GBP6: variants seen among roughly 807,000 people sequenced by gnomAD.
GBP6 encodes guanylate-binding protein 6.
In GBP6, 54 loss-of-function variants were observed where a neutral mutation model predicts 61.5. The ratio of observed to expected loss-of-function variants is 0.88; its 90% CI spans 0.71 to 1.10. GBP6 has a LOEUF of 1.10. GBP6 is among the 50% of genes least tolerant of loss of function. The pLI, the probability that GBP6 is intolerant of heterozygous loss-of-function variation, is 0.00. For synonymous variants in GBP6, 255 were observed against 273.7 expected (o/e 0.93, Z 0.67); for missense variants, 748 against 752.8 (o/e 0.99, Z 0.07).
chr1:89,367,354 AAC>A (rs1652493082), intron 1 of GBP6, among the ~76,000 whole-genome samples: 1 of 152,172 alleles, frequency 6.6e-6, no homozygotes, highest in South Asian at 2.1e-4. Flanking sequence ...TAAAAAAAAT[AAC>A]AGTCCTAATG....
chr1:89,383,731 C>T lies in GBP6; in HGVS notation c.1445C>T (p.Thr482Ile), dbSNP rs1570472231. The change falls in exon 9 of 11, where the codon ACT becomes ATT. Residue 482 changes from threonine (T) to isoleucine (I), a missense_variant. By Grantham distance (89) the Thr-to-Ile change is moderately conservative. Coordinates refer to ENST00000370456, the MANE Select transcript of GBP6 (RefSeq NM_198460.3). ...ATCTTGCAGTCAGATAAAGCCCTCA[C>T]TGATAGAGAGAAGGCAGTAGCAGGT... ...ESILQSDKAL[T>I]DREKAVAVDR... 6.2e-7 allele frequency: 1 copy of T among 1,611,662 alleles called. No homozygotes were observed. Among genetic ancestry groups the T allele is most frequent in the Non-Finnish European group, 8.5e-7 (1 of 1,179,262 alleles).
chr1:89,377,568 AT>A (rs1423067200), intron 3 of GBP6, among the ~76,000 whole-genome samples: 1 of 152,164 alleles, frequency 6.6e-6, no homozygotes, highest in Non-Finnish European at 1.5e-5. Flanking sequence ...AAATATTGCC[AT>A]TTTTATTGAA....
intron 1 of GBP6, among the ~76,000 whole-genome samples, chr1:89,366,324 G>T (rs1040565457): frequency 6.6e-6 from 1 of 152,096 alleles, no homozygotes; most frequent in East Asian, 1.9e-4. Context: ...TCTAGGCTAC[G>T]TATTTCAGCC....
intron 3 of GBP6, among the ~76,000 whole-genome samples, chr1:89,372,976 C>T (rs547267231): frequency 1.3e-5 from 2 of 152,184 alleles, no homozygotes; most frequent in African/African-American, 4.8e-5. Flanking sequence ...AAGAAAAAAA[C>T]AAACAACCCC....
intron 9 of GBP6, among the ~76,000 whole-genome samples, 154 bp from the exon 10 acceptor site, chr1:89,383,939 T>A (rs963153080): frequency 5.9e-5 from 9 of 152,220 alleles, no homozygotes; most frequent in African/African-American, 2.2e-4. Context: ...GCCTTTCCCA[T>A]CACATTCTCA....
chr1:89,371,325 C>A (rs970085076), intron 3 of GBP6, among the ~76,000 whole-genome samples: 4 of 152,128 alleles, frequency 2.6e-5, no homozygotes, highest in Non-Finnish European at 4.4e-5. Context: ...CCAGCATCAT[C>A]CTGATACCAA....
intron 1 of GBP6, among the ~76,000 whole-genome samples, chr1:89,367,616 TG>T (rs1194024747): frequency 2.0e-5 from 3 of 152,222 alleles, no homozygotes; most frequent in Non-Finnish European, 2.9e-5. Context: ...TTTACTCTGT[TG>T]ATAGTGTTCT....
intron 3 of GBP6, among the ~76,000 whole-genome samples, chr1:89,376,601 T>A (rs1047448325): frequency 6.6e-6 from 1 of 152,204 alleles, no homozygotes; most frequent in Non-Finnish European, 1.5e-5. Context: ...ATCATACTAT[T>A]TTGACTACTG....
chr1:89,376,427 A>G (rs999425847), intron 3 of GBP6, among the ~76,000 whole-genome samples: 3 of 152,282 alleles, frequency 2.0e-5, no homozygotes, highest in Middle Eastern at 3.4e-3. Flanking sequence ...TTCTGCATAC[A>G]TGTGGATATC....
At chr1:89,377,565 G>C (rs1178079253) in intron 3 of GBP6, among the ~76,000 whole-genome samples, 1 of 152,026 alleles carries the variant, frequency 6.6e-6, no homozygotes, top group African/African-American at 2.4e-5. Context: ...TATAAATATT[G>C]CCATTTTTAT....
chr1:89,369,494 C>G, intron 2 of GBP6, 52 bp from the exon 3 acceptor site: 1 of 1,581,152 alleles, frequency 6.3e-7, no homozygotes, highest in Non-Finnish European at 8.6e-7. Flanking sequence ...GGCCCCAGGG[C>G]GGCTTGGCTG....
Position 89,380,367 on chromosome 1 carries a change from G to GT in GBP6, c.626-10dup, listed in dbSNP as rs11361992. 141 of 1,595,778 alleles carry GT rather than the reference G, an allele frequency of 8.8e-5. No homozygotes were observed. The highest frequency in any genetic ancestry group is 6.3e-4 in the East Asian group (28 of 44,708). On this transcript the variant is annotated intron_variant, in intron 5 of 10. Transcript: ENST00000370456. ...CAAGACTGTTTTCACTATATTCTCT[G>GT]TTTTTTTTTATCCCTCAGGCAATAA... is the stretch of plus-strand genomic sequence containing the variant.
intron 3 of GBP6, among the ~76,000 whole-genome samples, chr1:89,377,142 T>A (rs916778360): frequency 1.3e-5 from 2 of 152,300 alleles, no homozygotes; most frequent in South Asian, 4.1e-4. Flanking sequence ...AGGATAGAAA[T>A]AATTCCTGGA....
Position 89,378,485 on chromosome 1 carries a change from C to A in GBP6, c.497C>A (p.Ser166Tyr). 1 of 1,614,110 alleles carries A rather than the reference C, an allele frequency of 6.2e-7. No individual in the cohort carries two copies. Among genetic ancestry groups the A allele is most frequent in the East Asian group, 2.2e-5 (1 of 44,886 alleles). Reference sequence around the variant, plus strand: ...CCAAGGCCTGATGGAGTAGAAGATTCCACAGAGTTTGTGAGTTTCTTCCCA... The same window carrying A: ...CCAAGGCCTGATGGAGTAGAAGATTACACAGAGTTTGTGAGTTTCTTCCCA... ...SSPRPDGVED[S>Y]TEFVSFFPDF... Residue 166 changes from serine (S) to tyrosine (Y), a missense_variant, in exon 5 of 11, where the codon TCC (serine) becomes TAC (tyrosine). Physicochemically the swap from Ser to Tyr is moderately radical, Grantham distance 144 (BLOSUM62 -2). Transcript: ENST00000370456.
chr1:89,378,922 C>A (rs1652884381), intron 5 of GBP6, among the ~76,000 whole-genome samples: 1 of 152,112 alleles, frequency 6.6e-6, no homozygotes, highest in African/African-American at 2.4e-5. Context: ...TTGCCCTCTG[C>A]TTTTCTGTGT....
rs915992752 is a variant in GBP6 at position 89,364,306 on chromosome 1, C to T, written c.-24+179C>T. Among the ~76,000 whole-genome samples the T allele has an allele frequency of 1.2e-4, 19 of 152,206 alleles. 1 individual carries two copies. The Middle Eastern group carries it at 9.5e-3, about 76-fold the overall frequency. ...CTTCTCCACTTGAACCAGTGACAGC[C>T]GGGCACGCCGCGTCCCCCTGGATGT... is the stretch of plus-strand genomic sequence containing the variant. On this transcript the variant is annotated intron_variant, in intron 1 of 10. Transcript: ENST00000370456.
At position 89,380,576 on chromosome 1, in the gene GBP6, C is replaced by T; in HGVS notation, c.816C>T (p.Ile272=). 6.2e-7 allele frequency: 1 copy of T among 1,613,604 alleles called. No individual in the cohort carries two copies. The highest frequency in any genetic ancestry group is 8.5e-7 in the Non-Finnish European group (1 of 1,179,520). The change falls in exon 6 of 11, where the codon ATC becomes ATT. Residue 272 remains isoleucine (I), a synonymous_variant. Transcript: ENST00000370456. ...QEQTNIFCSY[I]FTHARTKTLR... is the part of the protein sequence containing the mutation. Reference sequence around the variant, plus strand: ...AAACAAACATTTTCTGTTCTTACATCTTCACTCATGCAAGAACCAAGACCC... The same window carrying T: ...AAACAAACATTTTCTGTTCTTACATTTTCACTCATGCAAGAACCAAGACCC...
At chr1:89,368,833 T>C in intron 2 of GBP6, 92 bp downstream of exon 2, 1 of 1,162,530 alleles carries the variant, frequency 8.6e-7, no homozygotes, top group South Asian at 1.8e-5. Flanking sequence ...GAAGGTAGAC[T>C]CCAATTCCTT....
rs370789372 is a variant in GBP6 at position 89,385,541 on chromosome 1, G to GTTT, written c.*84_*86dup. ...TATGTTTTTCATTTTCATTCAGCAA[G>GTTT]TTTTTTTTTTTTTTCAGAGTCTTAC... is the stretch of plus-strand genomic sequence containing the variant. On this transcript the variant is annotated 3_prime_UTR_variant, in exon 11 of 11. Coordinates refer to ENST00000370456, the MANE Select transcript of GBP6 (RefSeq NM_198460.3). 11,230 of 1,112,664 alleles carry GTTT rather than the reference G, an allele frequency of 0.01. No homozygotes were observed. The highest frequency in any genetic ancestry group is 0.011 in the Non-Finnish European group (9,110 of 818,844). 68.9% of individuals were successfully genotyped at this position (1,112,664 alleles called of 1,614,324 possible). A position where few individuals can be genotyped will look rare whatever the true frequency, so the allele number is the denominator to read the frequency against.
Sources: allele counts gnomAD v4.1 joint callset (sites outside exome capture counted in the v4.1 genomes callset), GRCh38; gene constraint gnomAD v4.1.1; transcripts MANE v1.5; gene names NCBI Gene and HGNC (gene_info 2026-07-23, HGNC 2026-07-21).